The following SNIP1 variants were observed in gnomAD, a reference collection of about 807,000 sequenced individuals.
SNIP1 encodes smad nuclear-interacting protein 1.
A neutral mutation model predicts 37.4 loss-of-function variants in SNIP1; 23 were observed. The ratio of observed to expected loss-of-function variants is 0.61; its 90% confidence interval spans 0.44 to 0.87. The LOEUF (loss-of-function observed/expected upper bound fraction) is 0.87, where lower values mean the gene tolerates loss of function less well. SNIP1 is among the 40% of genes least tolerant of loss of function. SNIP1 has a pLI of 0.00. For synonymous variants in SNIP1, 174 were observed against 200.0 expected, an observed-to-expected ratio of 0.87 and a Z score of 1.10; for missense variants, 459 against 540.4, an observed-to-expected ratio of 0.85 and a Z score of 1.49.
At position 37,540,805 on chromosome 1, in the gene SNIP1, G is replaced by A. The variant is rs1359779406; in HGVS notation, c.328-50C>T. The A allele has an allele frequency of 2.0e-6, 3 of 1,491,092 alleles. No individual in the cohort carries two copies. In the African/African-American group the frequency reaches 4.2e-5, roughly 21 times the overall value. The allele number at this position is 1,491,092 out of a possible 1,614,324, so 92.4% of individuals were successfully genotyped here. A position where few individuals can be genotyped will look rare whatever the true frequency, so the allele number is the denominator to read the frequency against. Reference sequence around the variant, plus strand: ...TTTAAACGCAGTGCACAATCTAAAGGCAGCCCAAATCTTGTTCTTTTTGAA... The same window carrying A: ...TTTAAACGCAGTGCACAATCTAAAGACAGCCCAAATCTTGTTCTTTTTGAA... On this transcript the variant is annotated intron_variant, in intron 2 of 3. Transcript: ENST00000296215. This position sits in a 1 kb window ranked among gnomAD's most constrained non-coding sequence, Gnocchi z 5.6.
At position 37,539,634 on chromosome 1, in the gene SNIP1, C is replaced by T. The variant is rs146356585; in HGVS notation, c.926+523G>A. On this transcript the variant is annotated intron_variant, in intron 3 of 3. Transcript: ENST00000296215. ...CTGAGGCAGGGGAATCACTTGAACC[C>T]GGGATGCAGAGGTTGCAGTGAGTTG... Among the ~76,000 whole-genome samples, 667 of 152,280 alleles carry T rather than the reference C, an allele frequency of 4.4e-3. 4 individuals are homozygous for T. Among genetic ancestry groups the T allele is most frequent in the African/African-American group, 0.015 (639 of 41,560 alleles).
In SNIP1 at chr1:37,540,791, T is replaced by C. The variant is rs375693946; in HGVS notation, c.328-36A>G. On this transcript the variant is annotated intron_variant, in intron 2 of 3. Transcript: ENST00000296215. The surrounding 1 kb of genome is among the most constrained non-coding windows in gnomAD (Gnocchi z 5.6). Reference sequence around the variant, plus strand: ...AACAGATTCTGTAATTTAAACGCAGTGCACAATCTAAAGGCAGCCCAAATC... The same window carrying C: ...AACAGATTCTGTAATTTAAACGCAGCGCACAATCTAAAGGCAGCCCAAATC... 2.2e-5 allele frequency: 34 copies of C among 1,535,000 alleles called. No homozygotes were observed. In the African/African-American group the frequency reaches 4.7e-4, roughly 21 times the overall value.
chr1:37,542,872 C>A (rs1049441189), intron 2 of SNIP1, among the ~76,000 whole-genome samples: 2 of 152,022 alleles, frequency 1.3e-5, no homozygotes, highest in African/African-American at 4.8e-5. Context: ...AAGCTCAGGG[C>A]AACATGGCAA....
At position 37,551,537 on chromosome 1, in the gene SNIP1, G is replaced by T. The variant is rs185118989; in HGVS notation, c.327+1108C>A. 2.0e-5 allele frequency among the ~76,000 whole-genome samples: 3 copies of T among 152,272 alleles called. No homozygotes were observed. The East Asian group carries it at 5.8e-4, about 29-fold the overall frequency. On this transcript the variant is annotated intron_variant, in intron 2 of 3. Coordinates refer to ENST00000296215, the MANE Select transcript of SNIP1 (RefSeq NM_024700.4). The stretch of plus-strand genomic sequence containing the variant: ...TTTTTGGAGATGAGGTCTTTAAAGA[G>T]CTGGTTAAGTTAAAATGAGGGTAGG...
At chr1:37,543,534 A>G (rs1457476596) in intron 2 of SNIP1, among the ~76,000 whole-genome samples, 2 of 152,194 alleles carry the variant, frequency 1.3e-5, no homozygotes, top group Admixed American at 1.3e-4. Flanking sequence ...TATCTAATAT[A>G]TTGTTAAATG....
intron 3 of SNIP1, among the ~76,000 whole-genome samples, chr1:37,539,437 C>T (rs1299438548): frequency 2.0e-5 from 3 of 152,270 alleles, no homozygotes; most frequent in South Asian, 2.1e-4. Context: ...ACGGGCCAGC[C>T]GCAGTGGCTC....
chr1:37,551,074 G>GACACACAC (rs55724495), intron 2 of SNIP1, among the ~76,000 whole-genome samples: 4,478 of 143,902 alleles, frequency 0.031, 112 homozygotes, highest in East Asian at 0.067. Context: ...CAGCCTGGGT[G>GACACACAC]ACACACACAC....
At position 37,549,826 on chromosome 1, in the gene SNIP1, T is replaced by A. The variant is rs141557154; in HGVS notation, c.327+2819A>T. The stretch of plus-strand genomic sequence containing the variant: ...GACTACAATGGGAAAAATCAGTCCA[T>A]ACAATTTCAAGACTTATTATATAGC... On this transcript the variant is annotated intron_variant, in intron 2 of 3. Transcript: ENST00000296215. Among the ~76,000 whole-genome samples, 48 of 152,298 alleles carry A rather than the reference T, an allele frequency of 3.2e-4. No individual in the cohort carries two copies. In the East Asian group the frequency reaches 6.9e-3, roughly 22 times the overall value.
chr1:37,546,771 C>G (rs927053256), intron 2 of SNIP1, among the ~76,000 whole-genome samples: 1 of 152,208 alleles, frequency 6.6e-6, no homozygotes, highest in Non-Finnish European at 1.5e-5. Context: ...CCAATCAGGT[C>G]TCACCCTTAT....
chr1:37,537,781 A>C lies in SNIP1; in HGVS notation c.1158T>G (p.Asp386Glu), dbSNP rs368368736. The C allele has an allele frequency of 1.4e-4, 225 of 1,614,014 alleles. 1 individual carries two copies. Among genetic ancestry groups the C allele is most frequent in the Middle Eastern group, 9.9e-4 (6 of 6,062 alleles). Residue 386 changes from aspartate (D) to glutamate (E), a missense_variant, in exon 4 of 4, where the codon GAT (aspartate) becomes GAG (glutamate). Coordinates refer to ENST00000296215, the MANE Select transcript of SNIP1 (RefSeq NM_024700.4). ...TSEIDRKDDE[D>E]EEEEEEVSDS Reference sequence around the variant, plus strand: ...CAGACACTTCTTCCTCCTCCTCCTCATCCTCGTCATCTTTCCTGTCTATTT... The same window carrying C: ...CAGACACTTCTTCCTCCTCCTCCTCCTCCTCGTCATCTTTCCTGTCTATTT...
At chr1:37,547,752 C>CAA (rs201985155) in intron 2 of SNIP1, among the ~76,000 whole-genome samples, 4 of 145,648 alleles carry the variant, frequency 2.7e-5, no homozygotes, top group Non-Finnish European at 4.5e-5. Context: ...CAACAACAAC[C>CAA]AAAAAAAAAC....
intron 2 of SNIP1, among the ~76,000 whole-genome samples, chr1:37,547,674 C>G (rs1441140582): frequency 6.6e-6 from 1 of 151,818 alleles, no homozygotes; most frequent in East Asian, 1.9e-4. Flanking sequence ...GCAAAGATTG[C>G]AGTGAGCCAA....
Position 37,545,030 on chromosome 1 carries a change from TGGGAGAGCA to T in SNIP1, c.328-4284_328-4276del. 5 of 759,104 alleles carry T rather than the reference TGGGAGAGCA, an allele frequency of 6.6e-6. No individual in the cohort carries two copies. In the South Asian group the frequency reaches 6.7e-5, roughly 10 times the overall value. 47.0% of individuals were successfully genotyped at this position (759,104 alleles called of 1,614,324 possible). On this transcript the variant is annotated intron_variant, in intron 2 of 3. Coordinates refer to ENST00000296215, the MANE Select transcript of SNIP1 (RefSeq NM_024700.4). ...CTTCAAGAAACCAGACCATGATGAC[TGGGAGAGCA>T]GGCTGAATGCGATGGAGCATGCATT... is the stretch of plus-strand genomic sequence containing the variant.
chr1:37,538,235 G>A (rs535665850), intron 3 of SNIP1, among the ~76,000 whole-genome samples: 22 of 152,262 alleles, frequency 1.4e-4, no homozygotes, highest in Admixed American at 3.3e-4. Context: ...TGGACCGGGC[G>A]CGGTGGCTCA....
chr1:37,549,272 A>G (rs1643275604), intron 2 of SNIP1, among the ~76,000 whole-genome samples: 1 of 152,236 alleles, frequency 6.6e-6, no homozygotes, highest in Admixed American at 6.5e-5. Context: ...GCTGAAAACT[A>G]CAACCACTGA....
intron 2 of SNIP1, among the ~76,000 whole-genome samples, chr1:37,552,301 A>G (rs1643309978): frequency 6.6e-6 from 1 of 152,214 alleles, no homozygotes; most frequent in African/African-American, 2.4e-5. Context: ...TGTTATCTTG[A>G]CTATATCGAT....
At position 37,534,494 on chromosome 1, in the gene SNIP1, T is replaced by C. The variant is rs1643061350; in HGVS notation, c.*3254A>G. 1 of 152,220 alleles carries C rather than the reference T, an allele frequency of 6.6e-6. No homozygotes were observed. The highest frequency in any genetic ancestry group is 2.4e-5 in the African/African-American group (1 of 41,454). 9.4% of individuals were successfully genotyped at this position (152,220 alleles called of 1,614,324 possible). A position where few individuals can be genotyped will look rare whatever the true frequency, so the allele number is the denominator to read the frequency against. Reference sequence around the variant, plus strand: ...CTTTAATGTCAATTAAGCAGCCTTTTCACTTGATATAAACTCACATACCCA... The same window carrying C: ...CTTTAATGTCAATTAAGCAGCCTTTCCACTTGATATAAACTCACATACCCA... On this transcript the variant is annotated 3_prime_UTR_variant, in exon 4 of 4. Transcript: ENST00000296215.
intron 2 of SNIP1, among the ~76,000 whole-genome samples, chr1:37,546,545 G>A (rs1207671555): frequency 6.6e-6 from 1 of 152,048 alleles, no homozygotes; most frequent in African/African-American, 2.4e-5. Context: ...GTGGTGGCAC[G>A]TGCCTACAGT....
chr1:37,544,123 G>A (rs1451428188), intron 2 of SNIP1, among the ~76,000 whole-genome samples: 6 of 148,454 alleles, frequency 4.0e-5, no homozygotes, highest in Non-Finnish European at 7.4e-5. Flanking sequence ...TAGCCTGAAC[G>A]ACAAAGAGAG....
Sources: gnomAD v4.1 joint callset for allele counts (sites outside exome capture counted in the v4.1 genomes callset) on GRCh38, gnomAD v4.1.1 for gene constraint, Gnocchi (gnomAD v3.1) non-coding constraint, MANE v1.5 for transcripts, NCBI Gene and HGNC (gene_info 2026-07-23, HGNC 2026-07-21) for gene names.